ABLIM3: variants seen among roughly 807,000 people sequenced by gnomAD.
ABLIM3 encodes the protein actin-binding LIM protein 3.
In ABLIM3, 61 loss-of-function variants were observed where a neutral mutation model predicts 109.5. The observed-to-expected ratio is 0.56, with a 90% CI of 0.45 to 0.69. The LOEUF (loss-of-function observed/expected upper bound fraction) is 0.69. Ranked by LOEUF, ABLIM3 falls within the 30% of genes least tolerant of loss-of-function variation. The pLI is 0.00. For synonymous variants in ABLIM3, 300 were observed against 324.8 expected (o/e 0.92, Z 0.82); for missense variants, 796 against 889.5 (o/e 0.89, Z 1.34).
At chr5:149,186,780 A>G (rs1284964428) in intron 3 of ABLIM3, among the ~76,000 whole-genome samples, 1 of 152,104 alleles carries the variant, frequency 6.6e-6, no homozygotes, top group African/African-American at 2.4e-5. Context: ...ACAACTTTGT[A>G]TATTGAAATT....
intron 12 of ABLIM3, 44 bp downstream of exon 12, chr5:149,239,321 C>T (rs778731201): frequency 2.6e-5 from 41 of 1,601,904 alleles, no homozygotes; most frequent in Admixed American, 3.3e-5. Flanking sequence ...TAATTGTGCC[C>T]CTTTATGTGG....
At chr5:149,155,246 T>C (rs957116982) in intron 2 of ABLIM3, among the ~76,000 whole-genome samples, 4 of 152,120 alleles carry the variant, frequency 2.6e-5, no homozygotes, top group African/African-American at 9.7e-5. Flanking sequence ...GAAACATGGA[T>C]TGGGATGGCT....
Position 149,198,244 on chromosome 5 carries a change from A to G in ABLIM3, c.177A>G (p.Ser59=). 6.2e-7 allele frequency: 1 copy of G among 1,613,742 alleles called. No individual in the cohort carries two copies. The highest frequency in any genetic ancestry group is 8.5e-7 in the Non-Finnish European group (1 of 1,179,812). Reference sequence around the variant, plus strand: ...TATGTGGCTGTGGCCTGGCCCAGTCAGGCTTCTTCTTCAAGAACCAGGAGT... The same window carrying G: ...TATGTGGCTGTGGCCTGGCCCAGTCGGGCTTCTTCTTCAAGAACCAGGAGT... ...CQVCGCGLAQ[S]GFFFKNQEYI... is the part of the protein sequence containing the mutation. Residue 59 remains serine, a synonymous_variant, in exon 4 of 24, where the codon TCA becomes TCG. Transcript: ENST00000309868. The surrounding 1 kb of genome is among the most constrained non-coding windows in gnomAD (Gnocchi z 4.2).
intron 8 of ABLIM3, 118 bp downstream of exon 8, chr5:149,217,164 T>A: frequency 2.0e-6 from 2 of 1,023,742 alleles, no homozygotes; most frequent in Non-Finnish European, 2.9e-6. Context: ...GGCTTTTGCC[T>A]TGTCCTCAGA....
chr5:149,178,535 C>G (rs955566622), intron 2 of ABLIM3, among the ~76,000 whole-genome samples: 3 of 152,198 alleles, frequency 2.0e-5, no homozygotes, highest in African/African-American at 7.2e-5. Flanking sequence ...AGCATAGGTG[C>G]TCCTACCTTT....
At chr5:149,255,991 G>A (rs1052617151) in intron 23 of ABLIM3, among the ~76,000 whole-genome samples, 3 of 152,206 alleles carry the variant, frequency 2.0e-5, no homozygotes, top group Non-Finnish European at 4.4e-5. Flanking sequence ...GAGGGGTTAG[G>A]TAACTTGTCC....
At chr5:149,161,454 TA>T (rs1177195887) in intron 2 of ABLIM3, among the ~76,000 whole-genome samples, 5 of 152,188 alleles carry the variant, frequency 3.3e-5, no homozygotes, top group African/African-American at 1.2e-4. Context: ...ATAATGTCAA[TA>T]AGCCCTTTAT....
intron 9 of ABLIM3, among the ~76,000 whole-genome samples, chr5:149,232,116 G>A (rs554088903): frequency 3.9e-5 from 6 of 152,246 alleles, no homozygotes; most frequent in South Asian, 2.1e-4. Context: ...GACCAGGCTG[G>A]CCAACATGGC....
chr5:149,255,984 G>T (rs1402129164), intron 23 of ABLIM3, among the ~76,000 whole-genome samples: 1 of 152,174 alleles, frequency 6.6e-6, no homozygotes, highest in Non-Finnish European at 1.5e-5. Flanking sequence ...AGTTCAGGAG[G>T]GGTTAGGTAA....
chr5:149,254,993 G>A (rs1340373606), intron 23 of ABLIM3, among the ~76,000 whole-genome samples: 7 of 152,176 alleles, frequency 4.6e-5, no homozygotes, highest in Non-Finnish European at 1.0e-4. Context: ...GTTCTAGGAG[G>A]GGACTGAAGA....
intron 23 of ABLIM3, among the ~76,000 whole-genome samples, chr5:149,257,843 A>G (rs2127579879): frequency 6.6e-6 from 1 of 152,358 alleles, no homozygotes; most frequent in East Asian, 1.9e-4. Context: ...ACAGCCTTCC[A>G]GATCATTTGT....
chr5:149,156,773 A>G (rs116554890), intron 2 of ABLIM3, among the ~76,000 whole-genome samples: 1,546 of 152,344 alleles, frequency 0.01, 35 homozygotes, highest in African/African-American at 0.036. Context: ...TTTCCTGTAA[A>G]GGGATTTGCA....
At chr5:149,144,132 C>T (rs1752718508) in intron 2 of ABLIM3, among the ~76,000 whole-genome samples, 1 of 152,154 alleles carries the variant, frequency 6.6e-6, no homozygotes, top group Admixed American at 6.5e-5. Flanking sequence ...AATATGAGGA[C>T]TGGCAAAAAT....
At chr5:149,225,466 C>T (rs948300381) in intron 8 of ABLIM3, among the ~76,000 whole-genome samples, 3 of 152,098 alleles carry the variant, frequency 2.0e-5, no homozygotes, top group Admixed American at 6.5e-5. Flanking sequence ...TAGGTTCATC[C>T]GTATAATAGC....
intron 8 of ABLIM3, among the ~76,000 whole-genome samples, chr5:149,226,931 G>A (rs1214529756): frequency 1.3e-5 from 2 of 152,008 alleles, no homozygotes. Flanking sequence ...TTAGCCGGGT[G>A]TTGTAGTGCA....
At chr5:149,178,233 G>C (rs962684557) in intron 2 of ABLIM3, among the ~76,000 whole-genome samples, 2 of 152,166 alleles carry the variant, frequency 1.3e-5, no homozygotes, top group African/African-American at 4.8e-5. Flanking sequence ...CAAAATGCCT[G>C]GACCCACAGT....
chr5:149,150,037 C>T (rs989820754), intron 2 of ABLIM3, among the ~76,000 whole-genome samples: 2 of 152,210 alleles, frequency 1.3e-5, no homozygotes, highest in Non-Finnish European at 2.9e-5. Flanking sequence ...CCTCTTCTCT[C>T]TCCCTCAGAT....
Position 149,237,618 on chromosome 5 carries a change from C to T in ABLIM3, c.1044+15C>T. The T allele has an allele frequency of 6.2e-7, 1 of 1,613,572 alleles. No individual in the cohort carries two copies. Among genetic ancestry groups the T allele is most frequent in the South Asian group, 1.1e-5 (1 of 91,016 alleles). ...GCTATGGAGAGGTATCGCATCTTGCCCTTCTCTCTGGGGCTATTGTAGGAA... is the reference window on the plus strand; with the variant it reads ...GCTATGGAGAGGTATCGCATCTTGCTCTTCTCTCTGGGGCTATTGTAGGAA... On this transcript the variant is annotated intron_variant, in intron 11 of 23. Transcript: ENST00000309868.
chr5:149,249,736 T>A, intron 18 of ABLIM3, 79 bp from the exon 19 acceptor site: 2 of 1,572,074 alleles, frequency 1.3e-6, no homozygotes, highest in Non-Finnish European at 8.8e-7. Flanking sequence ...GGAAGCCACA[T>A]CTCTTTGTCC....
Sources: gnomAD v4.1 joint callset for allele counts (sites outside exome capture counted in the v4.1 genomes callset) on GRCh38, gnomAD v4.1.1 for gene constraint, Gnocchi (gnomAD v3.1) non-coding constraint, MANE v1.5 for transcripts, NCBI Gene and HGNC (gene_info 2026-07-23, HGNC 2026-07-21) for gene names.